KCNH8: variants seen among roughly 807,000 people sequenced by gnomAD.
KCNH8 encodes potassium voltage-gated channel subfamily H member 8, also known as voltage-gated delayed rectifier potassium channel KCNH8.
Under a neutral mutation model 103.6 loss-of-function variants are expected in KCNH8, and 70 were observed. The observed-to-expected ratio is 0.68, with a 90% confidence interval of 0.56 to 0.82. KCNH8 has a LOEUF of 0.82. Among genes scored for constraint, KCNH8 ranks in the 40% least tolerant of loss-of-function variants. The probability of loss-of-function intolerance (pLI) is 0.00; values close to 1 mark genes in which losing one functional copy is unlikely to be tolerated. For missense variants in KCNH8, 1,217 were observed against 1,329.9 expected, an observed-to-expected ratio of 0.92 and a Z score of 1.32; for synonymous variants, 498 against 489.4, an observed-to-expected ratio of 1.02 and a Z score of -0.23.
rs145004369 is a variant in KCNH8 at position 19,441,580 on chromosome 3, C to T, written c.1375+3219C>T. The stretch of plus-strand genomic sequence containing the variant: ...ACCCAGGTGCATACTTACTTCTCTC[C>T]TTAAATATGTAAAGGGAAACTTTAC... On this transcript the variant is annotated intron_variant, in intron 8 of 15. Coordinates refer to ENST00000328405, the MANE Select transcript of KCNH8 (RefSeq NM_144633.3). Among the ~76,000 whole-genome samples the T allele has an allele frequency of 8.7e-4, 133 of 152,298 alleles. 1 individual carries two copies. The East Asian group carries it at 0.012, about 14-fold the overall frequency.
chr3:19,202,333 C>T (rs2125218618), intron 1 of KCNH8, among the ~76,000 whole-genome samples: 1 of 152,192 alleles, frequency 6.6e-6, no homozygotes, highest in Non-Finnish European at 1.5e-5. Context: ...TTTGCATCTC[C>T]TGCCATAATT....
rs33979047 is a variant in KCNH8, at chr3:19,340,357, A to AT, written c.443-2216dup. ...ATTTATTTTTTTTATTTTTTTTTTA[A>AT]TTTTTTTTTTTTTTATTATACTCTA... On this transcript the variant is annotated intron_variant, in intron 3 of 15. Transcript: ENST00000328405. Among the ~76,000 whole-genome samples the AT allele has an allele frequency of 2.8e-3, 406 of 143,984 alleles. 6 individuals are homozygous for AT. In the South Asian group the frequency reaches 0.049, roughly 18 times the overall value. The allele number at this position is 143,984 out of a possible 152,430, so 94.5% of individuals were successfully genotyped here.
rs1044823581 is a variant in KCNH8 at position 19,354,923 on chromosome 3, C to G, written c.811+6958C>G. Among the ~76,000 whole-genome samples the G allele has an allele frequency of 3.9e-5, 6 of 152,154 alleles. No homozygotes were observed. The South Asian group carries it at 1.2e-3, about 32-fold the overall frequency. ...AAGAGCTTCTGCACTGCAAAAGAAA[C>G]TACCATCAGAGTGAATAGGCAACCT... On this transcript the variant is annotated intron_variant, in intron 5 of 15. Transcript: ENST00000328405.
chr3:19,167,440 A>G (rs1252822134), intron 1 of KCNH8, among the ~76,000 whole-genome samples: 1 of 152,224 alleles, frequency 6.6e-6, no homozygotes, highest in Non-Finnish European at 1.5e-5. Flanking sequence ...TTCCTCTTTC[A>G]ATTTATAAAC....
chr3:19,451,905 T>C (rs1305237849), intron 10 of KCNH8, among the ~76,000 whole-genome samples: 4 of 152,210 alleles, frequency 2.6e-5, no homozygotes, highest in African/African-American at 4.8e-5. Flanking sequence ...AAGGTGACTA[T>C]AGGCTCTTTT....
intron 11 of KCNH8, among the ~76,000 whole-genome samples, chr3:19,491,091 T>C (rs536131703): frequency 1.3e-5 from 2 of 152,334 alleles, no homozygotes; most frequent in East Asian, 3.9e-4. Context: ...ATACTACATG[T>C]AAATGAAATT....
chr3:19,236,135 G>T (rs1369615343), intron 1 of KCNH8, among the ~76,000 whole-genome samples: 3 of 152,160 alleles, frequency 2.0e-5, no homozygotes, highest in Non-Finnish European at 4.4e-5. Context: ...AGAGGGATTT[G>T]CAACTCCATT....
Position 19,451,341 on chromosome 3 carries a change from A to C in KCNH8, c.1762A>C (p.Ile588Leu), listed in dbSNP as rs753570819. The C allele has an allele frequency of 6.2e-7, 1 of 1,613,850 alleles. No homozygotes were observed. Among genetic ancestry groups the C allele is most frequent in the Non-Finnish European group, 8.5e-7 (1 of 1,179,818 alleles). ...GCGTCAAGGGGATGCTTTGCAGGCC[A>C]TCTACTTTGTATGCTCGGGCTCCAT... is the stretch of plus-strand genomic sequence containing the variant. ...LLRQGDALQA[I>L]YFVCSGSMEV... Residue 588 changes from isoleucine to leucine, a missense_variant, in exon 10 of 16, where the codon ATC becomes CTC. Around this residue, in one of 3 missense-constraint regions of KCNH8, gnomAD observed 415 missense variants for 577.4 expected, o/e 0.72. Transcript: ENST00000328405.
At chr3:19,274,080 G>T (rs1405481348) in intron 2 of KCNH8, among the ~76,000 whole-genome samples, 14 of 152,058 alleles carry the variant, frequency 9.2e-5, no homozygotes, top group Non-Finnish European at 1.8e-4. Flanking sequence ...TTAAAACATT[G>T]TCCATAGAAG....
chr3:19,188,972 A>G (rs2125208129), intron 1 of KCNH8, among the ~76,000 whole-genome samples: 1 of 152,048 alleles, frequency 6.6e-6, no homozygotes, highest in East Asian at 1.9e-4. Context: ...TTTTAACACA[A>G]ACTACGGGTA....
At chr3:19,169,976 A>G (rs755271724) in intron 1 of KCNH8, among the ~76,000 whole-genome samples, 32 of 152,320 alleles carry the variant, frequency 2.1e-4, no homozygotes, top group South Asian at 6.2e-4. Context: ...TTTATTTTTC[A>G]CAAATACCAA....
chr3:19,353,482 C>T (rs1173481133), intron 5 of KCNH8, among the ~76,000 whole-genome samples: 1 of 152,170 alleles, frequency 6.6e-6, no homozygotes, highest in Non-Finnish European at 1.5e-5. Flanking sequence ...CAAAAATCCT[C>T]AATAAAGTAC....
intron 1 of KCNH8, among the ~76,000 whole-genome samples, chr3:19,170,695 C>CAT (rs567992582): frequency 2.5e-4 from 36 of 142,074 alleles, no homozygotes; most frequent in African/African-American, 9.3e-4. Flanking sequence ...TATATACACA[C>CAT]ATATATATAC....
intron 10 of KCNH8, among the ~76,000 whole-genome samples, chr3:19,453,125 C>T (rs866826781): frequency 6.6e-5 from 10 of 152,204 alleles, no homozygotes; most frequent in African/African-American, 2.2e-4. Flanking sequence ...TACATGTTCT[C>T]ACTTATAATT....
At position 19,488,980 on chromosome 3, in the gene KCNH8, G is replaced by A. The variant is rs534137818; in HGVS notation, c.2041-21383G>A. Among the ~76,000 whole-genome samples the A allele has an allele frequency of 6.6e-5, 10 of 152,262 alleles. No individual in the cohort carries two copies. In the South Asian group the frequency reaches 1.9e-3, roughly 29 times the overall value. The stretch of plus-strand genomic sequence containing the variant: ...GAGTATTATTTTTCCAATTGAGGAG[G>A]TCAGCAGAGGTGAAAGGTTGATACA... On this transcript the variant is annotated intron_variant, in intron 11 of 15. Transcript: ENST00000328405.
chr3:19,302,024 G>T (rs2065070252), intron 3 of KCNH8, among the ~76,000 whole-genome samples: 4 of 152,112 alleles, frequency 2.6e-5, no homozygotes, highest in Admixed American at 2.6e-4. Flanking sequence ...AACCCAGAAG[G>T]TCTCCAAACT....
intron 11 of KCNH8, among the ~76,000 whole-genome samples, chr3:19,462,398 T>A (rs1371192110): frequency 3.3e-5 from 5 of 152,372 alleles, no homozygotes; most frequent in South Asian, 2.1e-4. Context: ...CCAGTGATGA[T>A]GAGCATTTCT....
chr3:19,239,974 G>A (rs868519030), intron 1 of KCNH8, among the ~76,000 whole-genome samples: 4 of 151,982 alleles, frequency 2.6e-5, no homozygotes, highest in Non-Finnish European at 5.9e-5. Flanking sequence ...CACAACCAAT[G>A]CCTTCCCCAG....
chr3:19,265,329 TG>T (rs2064492640), intron 2 of KCNH8, among the ~76,000 whole-genome samples: 1 of 152,068 alleles, frequency 6.6e-6, no homozygotes, highest in African/African-American at 2.4e-5. Flanking sequence ...CAGATGCCTT[TG>T]TTAAAAAGTT....
Sources: gnomAD v4.1 joint callset for allele counts (sites outside exome capture counted in the v4.1 genomes callset) on GRCh38, gnomAD v4.1.1 for gene constraint, gnomAD v4.1.1 regional missense constraint, MANE v1.5 for transcripts, NCBI Gene and HGNC (gene_info 2026-07-23, HGNC 2026-07-21) for gene names.